Variants in RANBP3L observed in about 807,000 individuals in gnomAD.
The protein encoded by RANBP3L is ran-binding protein 3-like.
In RANBP3L, 56 loss-of-function variants were observed where a neutral mutation model predicts 67.2. That is an observed-to-expected ratio of 0.83 (90% confidence interval 0.67 to 1.04). The LOEUF (loss-of-function observed/expected upper bound fraction) is 1.04. Among genes scored for constraint, RANBP3L ranks in the 50% least tolerant of loss-of-function variants. The pLI is 0.00. For synonymous variants in RANBP3L, 164 were observed against 181.4 expected (o/e 0.90, Z 0.77); for missense variants, 496 against 535.5 (o/e 0.93, Z 0.73).
At chr5:36,298,458 T>G (rs1438115926) in intron 1 of RANBP3L, among the ~76,000 whole-genome samples, 2 of 152,190 alleles carry the variant, frequency 1.3e-5, no homozygotes, top group African/African-American at 4.8e-5. Context: ...CCCAGGATGA[T>G]TCCATGAATA....
intron 1 of RANBP3L, among the ~76,000 whole-genome samples, chr5:36,284,515 A>T (rs1751193908): frequency 6.6e-6 from 1 of 152,338 alleles, no homozygotes; most frequent in East Asian, 1.9e-4. Context: ...ATAAAGTCCT[A>T]GTTTAAATAC....
At chr5:36,250,218 T>A (rs190805627) in intron 13 of RANBP3L, among the ~76,000 whole-genome samples, 1 of 152,090 alleles carries the variant, frequency 6.6e-6, no homozygotes, top group African/African-American at 2.4e-5. Context: ...TAGACCCCAT[T>A]TTATTGTTGG....
chr5:36,292,273 T>G (rs1224339326), intron 1 of RANBP3L, among the ~76,000 whole-genome samples: 1 of 151,972 alleles, frequency 6.6e-6, no homozygotes, highest in Admixed American at 6.6e-5. Context: ...TAAATTTGTT[T>G]GAGTTCATTG....
At chr5:36,300,329 G>A (rs1395400218) in intron 1 of RANBP3L, among the ~76,000 whole-genome samples, 2 of 152,114 alleles carry the variant, frequency 1.3e-5, no homozygotes, top group Admixed American at 6.6e-5. Context: ...ACTATGCTAA[G>A]CCTTGTAGAG....
rs4330487 is a variant in RANBP3L, at chr5:36,255,198, C to T, written c.1024+272G>A. 8.5e-5 allele frequency among the ~76,000 whole-genome samples: 13 copies of T among 152,140 alleles called. No homozygotes were observed. The East Asian group carries it at 2.5e-3, about 29-fold the overall frequency. On this transcript the variant is annotated intron_variant, in intron 11 of 13. Coordinates refer to ENST00000296604, the MANE Select transcript of RANBP3L (RefSeq NM_145000.5). ...ATAAGTCATGAACTACAGTTATTCC[C>T]ATTTTAAATTGATATAAGTAGAGTA...
In RANBP3L at chr5:36,253,779, AT is replaced by A; in HGVS notation, c.1034del (p.Asn345IlefsTer5). On this transcript the variant is annotated frameshift_variant, in exon 12 of 14. Coordinates refer to ENST00000296604, the MANE Select transcript of RANBP3L (RefSeq NM_145000.5). LOFTEE classifies it high-confidence loss of function. ...TGAGGATCAGCCTTAGACTGCCTTG[AT>A]TGCGCATAACTAAAATAGGAAGGTG... is the stretch of plus-strand genomic sequence containing the variant. ...GTLQSRLIMRNQGSLRLILNS... is the reference protein window; with the variant it reads ...GTLQSRLIMRXQGSLRLILNS... 1 of 1,612,710 alleles carries A rather than the reference AT, an allele frequency of 6.2e-7. No individual in the cohort carries two copies. The highest frequency in any genetic ancestry group is 8.5e-7 in the Non-Finnish European group (1 of 1,179,088).
intron 4 of RANBP3L, among the ~76,000 whole-genome samples, chr5:36,265,771 G>A (rs924955452): frequency 1.3e-5 from 2 of 152,038 alleles, no homozygotes; most frequent in African/African-American, 4.8e-5. Flanking sequence ...TCAGGAGTTC[G>A]AGACCAGCCT....
rs753320710 is a variant in RANBP3L, at chr5:36,264,969, GT to G, written c.469del (p.Thr157GlnfsTer13). 6.8e-6 allele frequency: 11 copies of G among 1,611,764 alleles called. No homozygotes were observed. In the Admixed American group the frequency reaches 1.8e-4, roughly 27 times the overall value. On this transcript the variant is annotated frameshift_variant, in exon 6 of 14. Coordinates refer to ENST00000296604, the MANE Select transcript of RANBP3L (RefSeq NM_145000.5). LOFTEE classifies it high-confidence loss of function. ...ALESCKTKEK[T>X]NNKISEGNSY... Reference sequence around the variant, plus strand: ...CCTGGGCTTTCTCACCTTATTATTTGTTTTTTCTTTAGTCTTGCAAGATTCC... The same window carrying G: ...CCTGGGCTTTCTCACCTTATTATTTGTTTTTCTTTAGTCTTGCAAGATTCC...
At chr5:36,278,541 GA>G (rs1222445470) in intron 1 of RANBP3L, among the ~76,000 whole-genome samples, 1 of 152,158 alleles carries the variant, frequency 6.6e-6, no homozygotes, top group East Asian at 1.9e-4. Context: ...TGGCAGTAAA[GA>G]TTCCTGGACT....
intron 13 of RANBP3L, among the ~76,000 whole-genome samples, chr5:36,250,334 T>C (rs1160000737): frequency 1.3e-5 from 2 of 152,018 alleles, no homozygotes; most frequent in Non-Finnish European, 2.9e-5. Flanking sequence ...AAAAAAATCA[T>C]ATTCACTTAG....
Position 36,277,225 on chromosome 5 carries a change from T to C in RANBP3L, c.92-5914A>G, listed in dbSNP as rs1036550538. ...CCACATCCTCTTCTCTAATTTCTGC[T>C]CCTTGTGCACTGTCTCACCCCAATC... On this transcript the variant is annotated intron_variant, in intron 1 of 13. Coordinates refer to ENST00000296604, the MANE Select transcript of RANBP3L (RefSeq NM_145000.5). Among the ~76,000 whole-genome samples the C allele has an allele frequency of 6.6e-5, 10 of 152,208 alleles. No individual in the cohort carries two copies. In the Middle Eastern group the frequency reaches 0.01, roughly 155 times the overall value.
chr5:36,277,513 A>G (rs1407309579), intron 1 of RANBP3L, among the ~76,000 whole-genome samples: 1 of 150,242 alleles, frequency 6.7e-6, no homozygotes, highest in African/African-American at 2.5e-5. Context: ...CAGTATATGC[A>G]TGCCAGAACA....
intron 1 of RANBP3L, among the ~76,000 whole-genome samples, chr5:36,282,753 C>T (rs1429166621): frequency 6.6e-6 from 1 of 152,086 alleles, no homozygotes; most frequent in Non-Finnish European, 1.5e-5. Flanking sequence ...CCCGACTAGC[C>T]CAGGAGGGGC....
intron 1 of RANBP3L, among the ~76,000 whole-genome samples, chr5:36,299,784 C>T (rs988806822): frequency 2.0e-5 from 3 of 152,066 alleles, no homozygotes; most frequent in African/African-American, 7.2e-5. Context: ...CAGTGTGCAA[C>T]TGTTAAAAAT....
intron 1 of RANBP3L, among the ~76,000 whole-genome samples, chr5:36,295,208 G>C (rs775837854): frequency 1.3e-5 from 2 of 151,966 alleles, no homozygotes; most frequent in African/African-American, 2.4e-5. Context: ...GCGTGATATG[G>C]TTTTGCTGAG....
chr5:36,289,043 C>T lies in RANBP3L; in HGVS notation c.91+12283G>A, dbSNP rs575795502. ...TATTTTCCTACATTTCTTCTAGAAG[C>T]TTTGTATATCTAACTTTTGTGTTTC... On this transcript the variant is annotated intron_variant, in intron 1 of 13. Coordinates refer to ENST00000296604, the MANE Select transcript of RANBP3L (RefSeq NM_145000.5). 1.9e-4 allele frequency among the ~76,000 whole-genome samples: 29 copies of T among 151,918 alleles called. 1 individual carries two copies. The East Asian group carries it at 5.0e-3, about 26-fold the overall frequency.
In RANBP3L at chr5:36,249,488, A is replaced by C; in HGVS notation, c.*166T>G. On this transcript the variant is annotated 3_prime_UTR_variant, in exon 14 of 14. Transcript: ENST00000296604. ...GTTTCTGCACAATAATCAAAATGTAAAATGTAAAACATAAAAATGTTAATT... is the reference window on the plus strand; with the variant it reads ...GTTTCTGCACAATAATCAAAATGTACAATGTAAAACATAAAAATGTTAATT... 1 of 410,288 alleles carries C rather than the reference A, an allele frequency of 2.4e-6. No individual in the cohort carries two copies. Among genetic ancestry groups the C allele is most frequent in the Non-Finnish European group, 4.5e-6 (1 of 224,160 alleles). The allele number at this position is 410,288 out of a possible 1,614,324, so 25.4% of individuals were successfully genotyped here.
At chr5:36,267,803 T>C (rs1003631156) in intron 4 of RANBP3L, among the ~76,000 whole-genome samples, 1 of 152,214 alleles carries the variant, frequency 6.6e-6, no homozygotes, top group African/African-American at 2.4e-5. Context: ...TTTTAATGGA[T>C]TTCTATGCTA....
intron 1 of RANBP3L, among the ~76,000 whole-genome samples, chr5:36,287,152 CACAATA>C (rs1751384431): frequency 6.6e-6 from 1 of 152,108 alleles, no homozygotes; most frequent in African/African-American, 2.4e-5. Context: ...ATGCACAGTT[CACAATA>C]GGGTTCACGC....
Sources: gnomAD v4.1 joint callset for allele counts (sites outside exome capture counted in the v4.1 genomes callset) on GRCh38, gnomAD v4.1.1 for gene constraint, MANE v1.5 for transcripts, NCBI Gene and HGNC (gene_info 2026-07-23, HGNC 2026-07-21) for gene names.